FABP12: variants seen among roughly 807,000 people sequenced by gnomAD.
The protein encoded by FABP12 is fatty acid-binding protein 12.
FABP12 carries 19 observed loss-of-function variants against 13.7 expected under a neutral mutation model. That is an observed-to-expected ratio of 1.39 (90% confidence interval 0.97 to 2.04). The LOEUF (loss-of-function observed/expected upper bound fraction) is 2.04. Ranked by LOEUF, FABP12 falls within the 30% of genes most tolerant of loss-of-function variation. The pLI is 0.00. For synonymous variants in FABP12, 61 were observed against 57.0 expected (o/e 1.07, Z -0.32); for missense variants, 182 against 164.2 (o/e 1.11, Z -0.59).
At chr8:81,532,553 T>C (rs1809100156) in intron 1 of FABP12, among the ~76,000 whole-genome samples, 1 of 152,220 alleles carries the variant, frequency 6.6e-6, no homozygotes, top group African/African-American at 2.4e-5. Context: ...CCAGGTGCAG[T>C]GGTTCTTGCC....
chr8:81,590,112 T>C (rs1006513851), exon 1 of FABP12, among the ~76,000 whole-genome samples: 5 of 152,228 alleles, frequency 3.3e-5, no homozygotes, highest in Admixed American at 1.3e-4. Flanking sequence ...GACTTCCACC[T>C]GCATGTTATG....
At chr8:81,554,208 A>G (rs1490018030) in intron 1 of FABP12, among the ~76,000 whole-genome samples, 2 of 152,222 alleles carry the variant, frequency 1.3e-5, no homozygotes, top group Non-Finnish European at 2.9e-5. Flanking sequence ...AGATAATGGC[A>G]AGGGAGTGTT....
intron 3 of FABP12, among the ~76,000 whole-genome samples, chr8:81,527,831 T>C (rs1808947688): frequency 6.6e-6 from 1 of 152,116 alleles, no homozygotes; most frequent in African/African-American, 2.4e-5. Flanking sequence ...TTGTGGCACA[T>C]GCCTATAGTC....
intron 1 of FABP12, among the ~76,000 whole-genome samples, chr8:81,570,247 C>G (rs1431977445): frequency 2.6e-5 from 4 of 152,184 alleles, no homozygotes; most frequent in African/African-American, 9.6e-5. Flanking sequence ...CTGGGATCCC[C>G]AAAGGGCTAC....
At chr8:81,539,433 C>CTTTTTTTT (rs35386904) in intron 2 of FABP12, among the ~76,000 whole-genome samples, 153 of 50,036 alleles carry the variant, frequency 3.1e-3, no homozygotes, top group Admixed American at 4.6e-3. Context: ...TTCTTTAGTT[C>CTTTTTTTT]TTTTTTTTTT....
chr8:81,530,332 T>C (rs1386828813), intron 2 of FABP12, among the ~76,000 whole-genome samples: 1 of 152,222 alleles, frequency 6.6e-6, no homozygotes, highest in Non-Finnish European at 1.5e-5. Context: ...TAGTACATAA[T>C]ATTCCACAGT....
At position 81,585,479 on chromosome 8, in the gene FABP12, T is replaced by G. The variant is rs557663666; in HGVS notation, c.-185+4574A>C. Among the ~76,000 whole-genome samples the G allele has an allele frequency of 2.0e-5, 3 of 152,334 alleles. No homozygotes were observed. The East Asian group carries it at 5.8e-4, about 29-fold the overall frequency. On this transcript the variant is annotated intron_variant, in intron 1 of 5. Transcript: ENST00000692030. ...GCCAGTCTCCTGCTTATTTGGTTAC[T>G]ATAGATTTATGTTAAAATTTGAAGT...
At chr8:81,582,388 T>G (rs2130106622) in intron 1 of FABP12, among the ~76,000 whole-genome samples, 1 of 152,194 alleles carries the variant, frequency 6.6e-6, no homozygotes, top group South Asian at 2.1e-4. Context: ...TCCAAAGTTC[T>G]GGGATTATAG....
chr8:81,576,106 C>G (rs572387701), intron 1 of FABP12, among the ~76,000 whole-genome samples: 1 of 152,256 alleles, frequency 6.6e-6, no homozygotes, highest in Non-Finnish European at 1.5e-5. Flanking sequence ...TGGAGACTTT[C>G]TTGGCCAAAA....
chr8:81,575,424 T>G (rs1810022543), intron 1 of FABP12, among the ~76,000 whole-genome samples: 1 of 152,198 alleles, frequency 6.6e-6, no homozygotes, highest in Admixed American at 6.5e-5. Flanking sequence ...AGAATGTGTA[T>G]TCTGCGGTTG....
Position 81,543,920 on chromosome 8 carries a change from C to T in FABP12, c.-184-4177G>A, listed in dbSNP as rs555456828. Reference sequence around the variant, plus strand: ...GAGTTTTATAGGAAAGAGAGAGAGACAGAGAGATGAGTGTATTTTGAACAA... The same window carrying T: ...GAGTTTTATAGGAAAGAGAGAGAGATAGAGAGATGAGTGTATTTTGAACAA... On this transcript the variant is annotated intron_variant, in intron 1 of 5. Transcript: ENST00000692030. Among the ~76,000 whole-genome samples the T allele has an allele frequency of 2.6e-5, 4 of 151,982 alleles. No individual in the cohort carries two copies. In the South Asian group the frequency reaches 8.3e-4, roughly 32 times the overall value.
In FABP12 at chr8:81,583,856, C is replaced by G. The variant is rs375077483; in HGVS notation, c.-185+6197G>C. The stretch of plus-strand genomic sequence containing the variant: ...ACTCATTATATAAGGCCAGCATTAC[C>G]CTGACACCAAAAGCAGACAGGACAC... On this transcript the variant is annotated intron_variant, in intron 1 of 5. Transcript: ENST00000692030. Among the ~76,000 whole-genome samples the G allele has an allele frequency of 2.6e-5, 4 of 152,046 alleles. No homozygotes were observed. In the East Asian group the frequency reaches 7.7e-4, roughly 29 times the overall value.
intron 1 of FABP12, among the ~76,000 whole-genome samples, chr8:81,560,248 A>G (rs550848957): frequency 1.0e-3 from 153 of 152,316 alleles, no homozygotes; most frequent in African/African-American, 3.6e-3. Context: ...TCCCCTTGGC[A>G]GGTAATCACT....
At chr8:81,583,634 T>C (rs1368761570) in intron 1 of FABP12, among the ~76,000 whole-genome samples, 1 of 152,028 alleles carries the variant, frequency 6.6e-6, no homozygotes, top group East Asian at 1.9e-4. Context: ...CCTACCACGA[T>C]TGAGTCAGGA....
At chr8:81,550,202 G>C (rs1809501831) in intron 1 of FABP12, among the ~76,000 whole-genome samples, 1 of 152,134 alleles carries the variant, frequency 6.6e-6, no homozygotes, top group African/African-American at 2.4e-5. Flanking sequence ...CACAGTGCCA[G>C]CTACTGGGGA....
At chr8:81,557,747 G>A (rs557687553) in intron 1 of FABP12, among the ~76,000 whole-genome samples, 2 of 152,156 alleles carry the variant, frequency 1.3e-5, no homozygotes, top group Non-Finnish European at 2.9e-5. Context: ...TTCCTATAGC[G>A]AGTCTTTTAG....
At chr8:81,543,191 T>C (rs1192890045) in intron 1 of FABP12, among the ~76,000 whole-genome samples, 3 of 152,344 alleles carry the variant, frequency 2.0e-5, no homozygotes, top group African/African-American at 4.8e-5. Flanking sequence ...TGATCATACA[T>C]GTACTTACGA....
intron 1 of FABP12, among the ~76,000 whole-genome samples, chr8:81,541,912 A>T (rs1423519336): frequency 2.0e-4 from 14 of 70,178 alleles, no homozygotes; most frequent in South Asian, 4.1e-4. Context: ...CCAGGGTTTA[A>T]AAAAAAAAAA....
chr8:81,529,964 T>C (rs1411431152), intron 2 of FABP12, among the ~76,000 whole-genome samples: 1 of 152,196 alleles, frequency 6.6e-6, no homozygotes, highest in Non-Finnish European at 1.5e-5. Flanking sequence ...TCTCCCTATT[T>C]TAAAATTATA....
Sources: allele counts gnomAD v4.1 joint callset (sites outside exome capture counted in the v4.1 genomes callset), GRCh38; gene constraint gnomAD v4.1.1; transcripts MANE v1.5; gene names NCBI Gene and HGNC (gene_info 2026-07-23, HGNC 2026-07-21).